SUGCT: variants seen among roughly 807,000 people sequenced by gnomAD.
SUGCT encodes the protein succinyl-CoA:glutarate CoA-transferase.
In SUGCT, 41 loss-of-function variants were observed where a neutral mutation model predicts 55.0. The observed-to-expected ratio is 0.74, with a 90% CI of 0.58 to 0.97. The LOEUF is 0.97. Ranked by LOEUF, SUGCT falls within the 50% of genes least tolerant of loss-of-function variation. SUGCT has a pLI of 0.00. For missense variants in SUGCT, 568 were observed against 547.8 expected (o/e 1.04, Z -0.37); for synonymous variants, 187 against 200.4 (o/e 0.93, Z 0.56).
intron 12 of SUGCT, among the ~76,000 whole-genome samples, chr7:40,599,369 A>T (rs888691116): frequency 6.6e-6 from 1 of 152,192 alleles, no homozygotes; most frequent in Admixed American, 6.5e-5. Flanking sequence ...GGGAGGGTAG[A>T]TGATAGCCAT....
chr7:40,228,864 A>G (rs751410576), intron 6 of SUGCT, among the ~76,000 whole-genome samples: 8 of 151,670 alleles, frequency 5.3e-5, no homozygotes, highest in Non-Finnish European at 7.4e-5. Flanking sequence ...TTTTTGTAAT[A>G]TCATTATGAA....
intron 12 of SUGCT, among the ~76,000 whole-genome samples, chr7:40,662,553 A>G (rs1255695804): frequency 6.6e-6 from 1 of 152,052 alleles, no homozygotes; most frequent in African/African-American, 2.4e-5. Context: ...GGGACCTTGA[A>G]CCTGCCAAGC....
At chr7:40,391,561 A>G (rs1785432532) in intron 9 of SUGCT, among the ~76,000 whole-genome samples, 1 of 151,296 alleles carries the variant, frequency 6.6e-6, no homozygotes. Context: ...CATCAGAGAA[A>G]TGCAAATCAA....
At chr7:40,415,082 A>G (rs1190153825) in intron 9 of SUGCT, among the ~76,000 whole-genome samples, 52 of 143,328 alleles carry the variant, frequency 3.6e-4, no homozygotes, top group Non-Finnish European at 6.5e-4. Context: ...CTATCTATCT[A>G]TCTATCTATC....
At chr7:40,540,564 T>C (rs950920678) in intron 12 of SUGCT, among the ~76,000 whole-genome samples, 2 of 152,252 alleles carry the variant, frequency 1.3e-5, no homozygotes, top group African/African-American at 4.8e-5. Flanking sequence ...CTTCCTGCAC[T>C]GGCTGCTAGG....
chr7:40,745,713 A>C (rs947049119), intron 12 of SUGCT, among the ~76,000 whole-genome samples: 1 of 152,206 alleles, frequency 6.6e-6, no homozygotes, highest in Non-Finnish European at 1.5e-5. Flanking sequence ...AAGTAAAATG[A>C]AGGAGAAAAC....
chr7:40,321,776 G>T (rs1385849551), intron 9 of SUGCT, among the ~76,000 whole-genome samples: 1 of 152,162 alleles, frequency 6.6e-6, no homozygotes, highest in Non-Finnish European at 1.5e-5. Context: ...CTTGTTTTAT[G>T]TCTGAGTAGT....
chr7:40,812,655 A>T (rs1791483034), intron 13 of SUGCT, among the ~76,000 whole-genome samples: 2 of 151,776 alleles, frequency 1.3e-5, no homozygotes, highest in African/African-American at 4.8e-5. Flanking sequence ...GATCTTGTTT[A>T]TCCTTTCAAA....
the SUGCT span, among the ~76,000 whole-genome samples, chr7:40,879,141 T>A: frequency 2.6e-5 from 4 of 152,192 alleles, no homozygotes; most frequent in East Asian, 5.8e-4. Context: ...TTTACATATT[T>A]AAGGAATTTC....
At chr7:40,860,977 A>T (rs185942662), downstream of SUGCT, among the ~76,000 whole-genome samples, 96 of 152,256 alleles carry the variant, frequency 6.3e-4, no homozygotes, top group Admixed American at 1.7e-3. Flanking sequence ...ATACAGAATA[A>T]CTTAATTCTG....
intron 11 of SUGCT, among the ~76,000 whole-genome samples, chr7:40,475,653 G>A (rs1054295967): frequency 6.6e-6 from 1 of 151,982 alleles, no homozygotes; most frequent in Non-Finnish European, 1.5e-5. Flanking sequence ...GCATCATTTC[G>A]AATCCCAGGA....
intron 12 of SUGCT, among the ~76,000 whole-genome samples, chr7:40,738,465 A>G (rs571436775): frequency 6.6e-6 from 1 of 152,264 alleles, no homozygotes; most frequent in South Asian, 2.1e-4. Flanking sequence ...ATACACATAA[A>G]ACTAAAAACT....
At chr7:40,962,169 G>A in the SUGCT span, among the ~76,000 whole-genome samples, 1 of 152,116 alleles carries the variant, frequency 6.6e-6, no homozygotes, top group Non-Finnish European at 1.5e-5. Flanking sequence ...CAAACCCTTA[G>A]CTAGACACAG....
intron 12 of SUGCT, among the ~76,000 whole-genome samples, chr7:40,579,203 C>T (rs1016082289): frequency 5.3e-5 from 8 of 152,038 alleles, no homozygotes; most frequent in Admixed American, 3.9e-4. Flanking sequence ...ATCGAGGGGA[C>T]ACATTTCACC....
intron 1 of SUGCT, among the ~76,000 whole-genome samples, chr7:40,142,593 A>T (rs574042917): frequency 1.3e-3 from 192 of 152,330 alleles, no homozygotes; most frequent in African/African-American, 4.6e-3. Flanking sequence ...AACTGAGGCT[A>T]TTATTCTTTT....
intron 12 of SUGCT, among the ~76,000 whole-genome samples, chr7:40,665,536 G>A (rs1158849097): frequency 2.0e-5 from 3 of 152,200 alleles, no homozygotes; most frequent in Non-Finnish European, 2.9e-5. Flanking sequence ...GTGAAGCCAA[G>A]TGAAAACACC....
At chr7:40,987,687 A>C in the SUGCT span, among the ~76,000 whole-genome samples, 1 of 152,206 alleles carries the variant, frequency 6.6e-6, no homozygotes. Flanking sequence ...CCATCCAACC[A>C]TGAGCCAAAT....
intron 12 of SUGCT, among the ~76,000 whole-genome samples, chr7:40,565,649 G>A (rs545334450): frequency 1.3e-5 from 2 of 152,180 alleles, no homozygotes; most frequent in South Asian, 2.1e-4. Context: ...CCATCATGAT[G>A]AGCGTGAATT....
chr7:40,942,136 T>A, the SUGCT span, among the ~76,000 whole-genome samples: 2 of 152,174 alleles, frequency 1.3e-5, no homozygotes, highest in East Asian at 3.8e-4. Context: ...ACTTCTTCAC[T>A]ATGTTATTGT....
Sources: gnomAD v4.1 joint callset for allele counts (sites outside exome capture counted in the v4.1 genomes callset) on GRCh38, gnomAD v4.1.1 for gene constraint, MANE v1.5 for transcripts, NCBI Gene and HGNC (gene_info 2026-07-23, HGNC 2026-07-21) for gene names.